The following IFT74 variants were observed in gnomAD, a reference collection of about 807,000 sequenced individuals.
The protein encoded by IFT74 is intraflagellar transport 74.
Under a neutral mutation model 96.7 loss-of-function variants are expected in IFT74, and 92 were observed. The ratio of observed to expected loss-of-function variants is 0.95; its 90% CI spans 0.80 to 1.13. IFT74 has a LOEUF of 1.13. IFT74 is among the 50% of genes most tolerant of loss of function. IFT74 has a pLI of 0.00. For missense variants in IFT74, 811 were observed against 698.2 expected (o/e 1.16, Z -1.82); for synonymous variants, 223 against 213.2 (o/e 1.05, Z -0.40).
chr9:27,017,409 A>G (rs1029151539), intron 11 of IFT74, among the ~76,000 whole-genome samples: 19 of 151,912 alleles, frequency 1.3e-4, no homozygotes, highest in African/African-American at 4.6e-4. Flanking sequence ...TTTTGTAGAG[A>G]TAGGGTTTTA....
chr9:26,981,485 G>A (rs1436286976), intron 4 of IFT74, among the ~76,000 whole-genome samples: 2 of 152,010 alleles, frequency 1.3e-5, no homozygotes, highest in East Asian at 3.9e-4. Context: ...CATGATCTCG[G>A]TTGACTGCAA....
chr9:27,058,195 C>T (rs1820257383), intron 18 of IFT74, among the ~76,000 whole-genome samples: 1 of 151,762 alleles, frequency 6.6e-6, no homozygotes, highest in Non-Finnish European at 1.5e-5. Context: ...CTCAACCGAT[C>T]CTCCTGCCTC....
chr9:26,959,469 T>G (rs1455665187), intron 1 of IFT74, among the ~76,000 whole-genome samples: 1 of 152,056 alleles, frequency 6.6e-6, no homozygotes, highest in Non-Finnish European at 1.5e-5. Flanking sequence ...GACAGTTAGA[T>G]AGAGGTGGTT....
In IFT74 at chr9:27,064,928, C is replaced by G. The variant is rs974701831; in HGVS notation, c.*2192C>G. 6.6e-6 allele frequency among the ~76,000 whole-genome samples: 1 copy of G among 151,948 alleles called. No individual in the cohort carries two copies. The highest frequency in any genetic ancestry group is 2.4e-5 in the African/African-American group (1 of 41,380). ...AATTGTCTGTGATGTACATTTAATA[C>G]TTAGAAATGCAATAAAATTCAAATA... is the stretch of plus-strand genomic sequence containing the variant. On this transcript the variant is annotated 3_prime_UTR_variant, in exon 20 of 20. Transcript: ENST00000380062.
intron 2 of IFT74, among the ~76,000 whole-genome samples, chr9:26,967,707 C>T (rs1189240126): frequency 6.6e-6 from 1 of 152,138 alleles, no homozygotes; most frequent in Non-Finnish European, 1.5e-5. Context: ...TTTCCTCATT[C>T]CATAGGATAC....
Position 26,997,956 on chromosome 9 carries a change from GTTTA to G in IFT74, c.587+7766_587+7769del, listed in dbSNP as rs775808347. The G allele has an allele frequency of 3.1e-6, 5 of 1,613,704 alleles. No individual in the cohort carries two copies. In the African/African-American group the frequency reaches 5.3e-5, roughly 17 times the overall value. On this transcript the variant is annotated intron_variant, in intron 8 of 19. Transcript: ENST00000380062. ...TTTTGGCAGAGATATAACTGTTTTA[GTTTA>G]TTTAAGCCTAAAAATGCACCCTGTT...
chr9:27,016,889 C>G lies in IFT74; in HGVS notation c.790-18C>G, dbSNP rs150832683. ...GATAAAATACTAATTAAAACTTTCC[C>G]TTCTTATTTTCCTTTAGGAAATAGC... On this transcript the variant is annotated intron_variant, in intron 10 of 19. Coordinates refer to ENST00000380062, the MANE Select transcript of IFT74 (RefSeq NM_025103.4). The G allele has an allele frequency of 6.9e-4, 1,083 of 1,569,550 alleles. 10 individuals carry two copies. The African/African-American group carries it at 0.013, about 19-fold the overall frequency.
chr9:27,029,359 A>G (rs1830016241), intron 13 of IFT74, among the ~76,000 whole-genome samples: 1 of 152,162 alleles, frequency 6.6e-6, no homozygotes, highest in African/African-American at 2.4e-5. Context: ...TTTTACAAAA[A>G]CAGAAGTAAA....
Position 27,013,407 on chromosome 9 carries a change from G to A in IFT74, c.789+1439G>A, listed in dbSNP as rs117364365. 6.7e-3 allele frequency among the ~76,000 whole-genome samples: 1,016 copies of A among 152,244 alleles called. 9 individuals are homozygous for A. Among genetic ancestry groups the A allele is most frequent in the Admixed American group, 0.014 (214 of 15,286 alleles). ...TCCTGTGAAAGCATACATTTTATGC[G>A]AAGTTATATCATAAGATTGAATTCT... On this transcript the variant is annotated intron_variant, in intron 10 of 19. Coordinates refer to ENST00000380062, the MANE Select transcript of IFT74 (RefSeq NM_025103.4).
chr9:27,058,543 G>T (rs760248043), intron 18 of IFT74, among the ~76,000 whole-genome samples: 1 of 151,938 alleles, frequency 6.6e-6, no homozygotes, highest in South Asian at 2.1e-4. Flanking sequence ...CAGCCACCAC[G>T]CCTGTCTAAT....
intron 9 of IFT74, among the ~76,000 whole-genome samples, chr9:27,010,291 A>G (rs1828993604): frequency 6.6e-6 from 1 of 151,052 alleles, no homozygotes; most frequent in African/African-American, 2.4e-5. Flanking sequence ...GCCCGGCCTT[A>G]TGCTAGAAAC....
intron 1 of IFT74, among the ~76,000 whole-genome samples, chr9:26,960,652 A>G (rs1826314267): frequency 6.6e-6 from 1 of 152,230 alleles, no homozygotes; most frequent in African/African-American, 2.4e-5. Context: ...GAGAGGGCTG[A>G]TAAACTGGGA....
intron 8 of IFT74, among the ~76,000 whole-genome samples, chr9:26,999,079 G>T (rs911450665): frequency 6.6e-6 from 1 of 152,116 alleles, no homozygotes; most frequent in African/African-American, 2.4e-5. Flanking sequence ...TCAAAGTTTG[G>T]TGTTTTAAAA....
At chr9:27,030,888 T>C (rs941147887) in intron 13 of IFT74, among the ~76,000 whole-genome samples, 2 of 152,188 alleles carry the variant, frequency 1.3e-5, no homozygotes, top group Non-Finnish European at 2.9e-5. Context: ...ACACACCAAG[T>C]GGACAATAGC....
chr9:27,024,703 T>C (rs1418456794), intron 12 of IFT74, among the ~76,000 whole-genome samples: 1 of 151,962 alleles, frequency 6.6e-6, no homozygotes, highest in Non-Finnish European at 1.5e-5. Context: ...AGAAGGTCAG[T>C]TATTAAGTTA....
intron 2 of IFT74, among the ~76,000 whole-genome samples, chr9:26,971,659 G>C (rs1826883705): frequency 6.6e-6 from 1 of 152,130 alleles, no homozygotes; most frequent in Non-Finnish European, 1.5e-5. Context: ...TTATTTCCTT[G>C]ACTTGGGAAG....
chr9:27,011,366 C>T (rs1829063381), intron 9 of IFT74, among the ~76,000 whole-genome samples: 1 of 151,992 alleles, frequency 6.6e-6, no homozygotes, highest in Non-Finnish European at 1.5e-5. Context: ...TAGGAGTGAA[C>T]CATATTTATA....
At position 26,977,689 on chromosome 9, in the gene IFT74, A is replaced by G. The variant is rs564137967; in HGVS notation, c.121-439A>G. On this transcript the variant is annotated intron_variant, in intron 2 of 19. Transcript: ENST00000380062. ...TTTTTAGTAGTGATGGGGTTTTGCC[A>G]TGTTGTCCAGGCTGGTTTTGAACTC... Among the ~76,000 whole-genome samples, 35 of 152,156 alleles carry G rather than the reference A, an allele frequency of 2.3e-4. 1 individual carries two copies. The South Asian group carries it at 6.8e-3, about 30-fold the overall frequency.
intron 8 of IFT74, among the ~76,000 whole-genome samples, chr9:27,005,267 G>T (rs534131665): frequency 1.1e-3 from 162 of 144,340 alleles, no homozygotes; most frequent in Non-Finnish European, 2.2e-3. Context: ...TTGGCTTTTA[G>T]ATTAGTGTCA....
Sources: allele counts gnomAD v4.1 joint callset (sites outside exome capture counted in the v4.1 genomes callset), GRCh38; gene constraint gnomAD v4.1.1; transcripts MANE v1.5; gene names NCBI Gene and HGNC (gene_info 2026-07-23, HGNC 2026-07-21).